Variants in PCDHA11 observed in about 807,000 individuals in gnomAD.
The protein encoded by PCDHA11 is protocadherin alpha 11.
A neutral mutation model predicts 70.3 loss-of-function variants in PCDHA11; 61 were observed. The observed-to-expected ratio is 0.87, with a 90% CI of 0.71 to 1.07. The LOEUF (loss-of-function observed/expected upper bound fraction) is 1.07, where lower values mean the gene tolerates loss of function less well. Ranked by LOEUF, PCDHA11 falls within the 50% of genes least tolerant of loss-of-function variation. The pLI, the probability that PCDHA11 is intolerant of heterozygous loss-of-function variation, is 0.00. For missense variants in PCDHA11, 1,324 were observed against 1,237.5 expected (o/e 1.07, Z -1.05); for synonymous variants, 633 against 555.1 (o/e 1.14, Z -1.97).
intron 1 of PCDHA11, among the ~76,000 whole-genome samples, chr5:140,937,875 G>GCATGGCGCCCAGGCGC (rs1467494060): frequency 1.3e-5 from 2 of 150,442 alleles, no homozygotes; most frequent in African/African-American, 4.9e-5. Context: ...TCGCGCCACT[G>GCATGGCGCCCAGGCGC]CACTCCAGCC....
At chr5:140,984,139 C>T (rs2097088415) in intron 3 of PCDHA11, among the ~76,000 whole-genome samples, 1 of 152,178 alleles carries the variant, frequency 6.6e-6, no homozygotes. Flanking sequence ...GATGTGGAGG[C>T]ATCTGGGAAG....
intron 1 of PCDHA11, among the ~76,000 whole-genome samples, chr5:140,891,677 TTCTC>T (rs1335607297): frequency 2.6e-5 from 4 of 152,240 alleles, no homozygotes; most frequent in African/African-American, 9.6e-5. Context: ...AGTTTAATAA[TTCTC>T]TCTTCTTGCT....
chr5:140,900,752 T>C lies in PCDHA11; in HGVS notation c.2391+29258T>C, dbSNP rs565842266. On this transcript the variant is annotated intron_variant, in intron 1 of 3. Coordinates refer to ENST00000398640, the MANE Select transcript of PCDHA11 (RefSeq NM_018902.5). ...GCAGTGGGATTTCTGGATCACTTGG[T>C]AGCTCTATTTTTGGCTTTTTGAGGA... Among the ~76,000 whole-genome samples, 3 of 152,272 alleles carry C rather than the reference T, an allele frequency of 2.0e-5. No homozygotes were observed. In the East Asian group the frequency reaches 5.8e-4, roughly 29 times the overall value.
intron 1 of PCDHA11, among the ~76,000 whole-genome samples, chr5:140,905,903 G>A (rs2072195312): frequency 6.6e-6 from 1 of 152,184 alleles, no homozygotes; most frequent in African/African-American, 2.4e-5. Flanking sequence ...AAGCTGAGGA[G>A]CAAGGAATCC....
At chr5:140,942,351 G>GCAGTTAA (rs1563195355) in intron 1 of PCDHA11, among the ~76,000 whole-genome samples, 1 of 152,024 alleles carries the variant, frequency 6.6e-6, no homozygotes. Context: ...GGCGGAGGTT[G>GCAGTTAA]CAGTTAACGG....
At chr5:140,908,429 G>A (rs575934093) in intron 1 of PCDHA11, among the ~76,000 whole-genome samples, 1 of 152,280 alleles carries the variant, frequency 6.6e-6, no homozygotes, top group African/African-American at 2.4e-5. Flanking sequence ...ATGCTGCTGT[G>A]CGCACCCCAC....
intron 1 of PCDHA11, chr5:140,926,897 T>C: frequency 1.3e-6 from 2 of 1,548,696 alleles, no homozygotes; most frequent in Non-Finnish European, 1.7e-6. Context: ...GGGAGGATGG[T>C]GGGCTGTGGG....
chr5:140,924,905 AT>A (rs1216976019), intron 1 of PCDHA11, among the ~76,000 whole-genome samples: 1,708 of 55,768 alleles, frequency 0.031, 41 homozygotes, highest in African/African-American at 0.13. Flanking sequence ...AAAAAAAAAA[AT>A]AAAATAAAAT....
intron 1 of PCDHA11, among the ~76,000 whole-genome samples, chr5:140,886,063 G>A (rs547299842): frequency 3.3e-5 from 5 of 152,172 alleles, no homozygotes; most frequent in East Asian, 1.9e-4. Flanking sequence ...TTACAAAAGC[G>A]TAGGGCCATA....
At chr5:140,877,196 G>C (rs782703953) in intron 1 of PCDHA11, 1 of 1,613,808 alleles carries the variant, frequency 6.2e-7, no homozygotes, top group East Asian at 2.2e-5. Context: ...AGCGCAGGAG[G>C]CGCAGTTAGC....
intron 1 of PCDHA11, among the ~76,000 whole-genome samples, chr5:140,879,750 A>G (rs1554170976): frequency 1.3e-5 from 2 of 152,216 alleles, no homozygotes; most frequent in Non-Finnish European, 2.9e-5. Context: ...TGTCAAGGCT[A>G]TACTCTCTTT....
chr5:140,984,550 A>C (rs1486017679), intron 3 of PCDHA11, among the ~76,000 whole-genome samples: 1 of 152,134 alleles, frequency 6.6e-6, no homozygotes, highest in Non-Finnish European at 1.5e-5. Flanking sequence ...GATAGAGCTT[A>C]CATCTTCCAA....
Position 140,885,793 on chromosome 5 carries a change from A to G in PCDHA11, c.2391+14299A>G, listed in dbSNP as rs541928241. On this transcript the variant is annotated intron_variant, in intron 1 of 3. Coordinates refer to ENST00000398640, the MANE Select transcript of PCDHA11 (RefSeq NM_018902.5). ...TATTAGTGAATTTGAGCATATTGTCATATGTATTTTGTTGATTTGTATTTG... is the reference window on the plus strand; with the variant it reads ...TATTAGTGAATTTGAGCATATTGTCGTATGTATTTTGTTGATTTGTATTTG... Among the ~76,000 whole-genome samples the G allele has an allele frequency of 2.0e-5, 3 of 152,162 alleles. No homozygotes were observed. The South Asian group carries it at 6.2e-4, about 32-fold the overall frequency.
chr5:140,897,052 C>G (rs2065858358), intron 1 of PCDHA11, among the ~76,000 whole-genome samples: 1 of 152,114 alleles, frequency 6.6e-6, no homozygotes, highest in Non-Finnish European at 1.5e-5. Context: ...ATTCTGCTGT[C>G]AAATACTATG....
chr5:140,927,484 A>G (rs1554204601), intron 1 of PCDHA11: 2 of 1,613,906 alleles, frequency 1.2e-6, no homozygotes, highest in East Asian at 2.2e-5. Flanking sequence ...ACAGCGCGCC[A>G]CCCACCTGCT....
rs781814958 is a variant in PCDHA11 at position 140,869,604 on chromosome 5, A to G, written c.501A>G (p.Leu167=). The change falls in exon 1 of 4, where the codon CTA becomes CTG. Residue 167 remains leucine (L), a synonymous_variant. Transcript: ENST00000398640. ...ASDADIEENA[L]LTYRLSKNEY... ...ATGCTGACATTGAAGAGAATGCTCTATTGACCTACAGGCTAAGTAAAAATG... is the reference window on the plus strand; with the variant it reads ...ATGCTGACATTGAAGAGAATGCTCTGTTGACCTACAGGCTAAGTAAAAATG... 5 of 1,613,944 alleles carry G rather than the reference A, an allele frequency of 3.1e-6. No individual in the cohort carries two copies. In the African/African-American group the frequency reaches 4.0e-5, roughly 13 times the overall value.
intron 1 of PCDHA11, chr5:140,968,160 A>G: frequency 7.4e-6 from 12 of 1,614,104 alleles, no homozygotes; most frequent in Non-Finnish European, 1.0e-5. Context: ...ATCAATGACA[A>G]TCCACCAAGC....
At chr5:140,984,693 A>G (rs1587034361) in intron 3 of PCDHA11, among the ~76,000 whole-genome samples, 1 of 152,264 alleles carries the variant, frequency 6.6e-6, no homozygotes, top group East Asian at 1.9e-4. Flanking sequence ...TATGTTCTGC[A>G]CTGCTTGGAG....
At chr5:140,884,559 C>T (rs782174598) in intron 1 of PCDHA11, 2 of 1,614,094 alleles carry the variant, frequency 1.2e-6, no homozygotes, top group Admixed American at 1.7e-5. Context: ...GGGGAGGGCC[C>T]GCATAAGACG....
Sources: gnomAD v4.1 joint callset for allele counts (sites outside exome capture counted in the v4.1 genomes callset) on GRCh38, gnomAD v4.1.1 for gene constraint, MANE v1.5 for transcripts, NCBI Gene and HGNC (gene_info 2026-07-23, HGNC 2026-07-21) for gene names.